ZDHHC14: variants seen among roughly 807,000 people sequenced by gnomAD.
ZDHHC14 encodes palmitoyltransferase ZDHHC14.
A neutral mutation model predicts 47.7 loss-of-function variants in ZDHHC14; 16 were observed. The observed-to-expected ratio is 0.34, with a 90% CI of 0.23 to 0.51. The LOEUF (loss-of-function observed/expected upper bound fraction) is 0.51. Among genes scored for constraint, ZDHHC14 ranks in the 20% least tolerant of loss-of-function variants. The pLI, the probability that ZDHHC14 is intolerant of heterozygous loss-of-function variation, is 0.97. For missense variants in ZDHHC14, 515 were observed against 662.5 expected (o/e 0.78, Z 2.44); for synonymous variants, 293 against 278.9 (o/e 1.05, Z -0.50).
chr6:157,649,916 G>A (rs1777739359), intron 7 of ZDHHC14, among the ~76,000 whole-genome samples: 1 of 152,234 alleles, frequency 6.6e-6, no homozygotes, highest in South Asian at 2.1e-4. Flanking sequence ...GACTGCCCAT[G>A]TGCGGTGGAG....
chr6:157,387,302 G>C (rs573063678), intron 1 of ZDHHC14, among the ~76,000 whole-genome samples: 75 of 151,962 alleles, frequency 4.9e-4, no homozygotes, highest in Non-Finnish European at 9.0e-4. Flanking sequence ...ATGGAACTTG[G>C]GGCTATCCCC....
intron 8 of ZDHHC14, 139 bp downstream of exon 8, chr6:157,653,766 C>G: frequency 1.4e-6 from 1 of 732,072 alleles, no homozygotes; most frequent in Non-Finnish European, 2.2e-6. Context: ...GACTACTGCG[C>G]TCAGACAGGA....
In ZDHHC14 at chr6:157,537,055, T is replaced by C. The variant is rs1312476357; in HGVS notation, c.246-5530T>C. Among the ~76,000 whole-genome samples, 8 of 140,902 alleles carry C rather than the reference T, an allele frequency of 5.7e-5. 3 individuals carry two copies. The highest frequency in any genetic ancestry group is 9.3e-5 in the Non-Finnish European group (6 of 64,578). The allele number at this position is 140,902 out of a possible 152,430, so 92.4% of individuals were successfully genotyped here. A position where few individuals can be genotyped will look rare whatever the true frequency, so the allele number is the denominator to read the frequency against. ...GGATGGTCTCGATCTCCTGACCTCG[T>C]GATCCGCCCGCCTCGGCCTCCCAAA... On this transcript the variant is annotated intron_variant, in intron 1 of 8. Coordinates refer to ENST00000359775, the MANE Select transcript of ZDHHC14 (RefSeq NM_024630.3).
At chr6:157,473,920 A>T (rs1779415562) in intron 1 of ZDHHC14, among the ~76,000 whole-genome samples, 2 of 151,454 alleles carry the variant, frequency 1.3e-5, no homozygotes, top group Non-Finnish European at 3.0e-5. Context: ...AAAAAAAAAA[A>T]GTTTGAAGTG....
At chr6:157,468,735 G>A (rs1165834790) in intron 1 of ZDHHC14, among the ~76,000 whole-genome samples, 1 of 152,206 alleles carries the variant, frequency 6.6e-6, no homozygotes, top group African/African-American at 2.4e-5. Flanking sequence ...GAAGACACTT[G>A]CTTTATAACA....
At chr6:157,657,013 G>T (rs1261198951) in intron 8 of ZDHHC14, among the ~76,000 whole-genome samples, 1 of 151,898 alleles carries the variant, frequency 6.6e-6, no homozygotes, top group Non-Finnish European at 1.5e-5. Context: ...CACATCTCCT[G>T]TAGCATCTTC....
intron 2 of ZDHHC14, among the ~76,000 whole-genome samples, chr6:157,562,492 G>T (rs547651994): frequency 6.6e-6 from 1 of 152,146 alleles, no homozygotes; most frequent in African/African-American, 2.4e-5. Flanking sequence ...CTCTCCATGC[G>T]ATTCTCTAGG....
intron 1 of ZDHHC14, among the ~76,000 whole-genome samples, chr6:157,542,286 G>A (rs975530754): frequency 6.6e-6 from 1 of 152,180 alleles, no homozygotes. Flanking sequence ...TACAAGCTCT[G>A]TGCGTCTTAG....
chr6:157,581,190 T>C (rs993473561), intron 2 of ZDHHC14, among the ~76,000 whole-genome samples: 1 of 94,268 alleles, frequency 1.1e-5, no homozygotes, highest in African/African-American at 6.1e-5. Context: ...CCCAAAGTCA[T>C]TCAGGAACAG....
intron 1 of ZDHHC14, among the ~76,000 whole-genome samples, chr6:157,470,677 C>G (rs1779332495): frequency 6.6e-6 from 1 of 152,068 alleles, no homozygotes; most frequent in South Asian, 2.1e-4. Context: ...AGAAAAACTT[C>G]AGAAAAATAT....
intron 1 of ZDHHC14, among the ~76,000 whole-genome samples, chr6:157,430,868 G>A (rs1404459802): frequency 6.6e-6 from 1 of 152,254 alleles, no homozygotes; most frequent in African/African-American, 2.4e-5. Flanking sequence ...GTGTGCATGT[G>A]ATAAATCCAT....
rs148094453 is a variant in ZDHHC14, at chr6:157,425,474, C to T, written c.245+43208C>T. Among the ~76,000 whole-genome samples, 677 of 152,300 alleles carry T rather than the reference C, an allele frequency of 4.4e-3. 6 individuals carry two copies. The highest frequency in any genetic ancestry group is 0.016 in the African/African-American group (647 of 41,558). ...TTTCTTTCTCACCCAATTATGTTGG[C>T]CAGCTCCTCAAAGAACAATGATAGC... On this transcript the variant is annotated intron_variant, in intron 1 of 8. Coordinates refer to ENST00000359775, the MANE Select transcript of ZDHHC14 (RefSeq NM_024630.3).
At chr6:157,422,349 T>C (rs1266756019) in intron 1 of ZDHHC14, among the ~76,000 whole-genome samples, 1 of 152,192 alleles carries the variant, frequency 6.6e-6, no homozygotes, top group African/African-American at 2.4e-5. Flanking sequence ...ATGTTTCCCA[T>C]ACATGTTCAA....
intron 1 of ZDHHC14, among the ~76,000 whole-genome samples, chr6:157,512,444 C>T (rs1381162177): frequency 2.6e-5 from 4 of 152,224 alleles, no homozygotes; most frequent in South Asian, 2.1e-4. Flanking sequence ...GACAGAGCCA[C>T]GTTCTGCACT....
At chr6:157,393,214 A>G (rs1345776022) in intron 1 of ZDHHC14, among the ~76,000 whole-genome samples, 1 of 152,194 alleles carries the variant, frequency 6.6e-6, no homozygotes, top group Non-Finnish European at 1.5e-5. Context: ...TTAGCACACT[A>G]TTTAAAAACA....
intron 8 of ZDHHC14, among the ~76,000 whole-genome samples, chr6:157,668,560 C>G (rs1233157791): frequency 6.6e-6 from 1 of 150,552 alleles, no homozygotes; most frequent in Admixed American, 6.6e-5. Flanking sequence ...ATTAGCCAGG[C>G]ATGGTGGTGC....
At chr6:157,388,706 C>T (rs1777365480) in intron 1 of ZDHHC14, among the ~76,000 whole-genome samples, 1 of 152,180 alleles carries the variant, frequency 6.6e-6, no homozygotes, top group South Asian at 2.1e-4. Context: ...TCTTCTACCT[C>T]CCCAATTTCC....
chr6:157,398,079 T>TCCCCAGCC (rs1273784670), intron 1 of ZDHHC14, among the ~76,000 whole-genome samples: 3 of 42,296 alleles, frequency 7.1e-5, no homozygotes, highest in East Asian at 5.3e-4. Flanking sequence ...GCTCCCCAGC[T>TCCCCAGCC]CCCCAGCCCC....
At chr6:157,639,341 T>G (rs1777136197) in intron 5 of ZDHHC14, among the ~76,000 whole-genome samples, 1 of 152,172 alleles carries the variant, frequency 6.6e-6, no homozygotes. Flanking sequence ...GTCTCACTCT[T>G]TTGCCCAGGC....
Sources: allele counts gnomAD v4.1 joint callset (sites outside exome capture counted in the v4.1 genomes callset), GRCh38; gene constraint gnomAD v4.1.1; transcripts MANE v1.5; gene names NCBI Gene and HGNC (gene_info 2026-07-23, HGNC 2026-07-21).